INSC: variants seen among roughly 807,000 people sequenced by gnomAD.
The protein encoded by INSC is protein inscuteable homolog.
In INSC, 67 loss-of-function variants were observed where a neutral mutation model predicts 58.6. That is an observed-to-expected ratio of 1.14 (90% CI 0.94 to 1.40). The LOEUF (loss-of-function observed/expected upper bound fraction) is 1.40. Ranked by LOEUF, INSC falls within the 40% of genes most tolerant of loss-of-function variation. The pLI, the probability that INSC is intolerant of heterozygous loss-of-function variation, is 0.00. For missense variants in INSC, 714 were observed against 692.0 expected (o/e 1.03, Z -0.36); for synonymous variants, 262 against 276.1 (o/e 0.95, Z 0.51).
At chr11:15,255,730 GTGTGTA>G in the INSC span, among the ~76,000 whole-genome samples, 5 of 121,552 alleles carry the variant, frequency 4.1e-5, no homozygotes, top group African/African-American at 1.5e-4. Flanking sequence ...ATATGTAAGT[GTGTGTA>G]TGTGTGTGTG....
intron 5 of INSC, chr11:15,188,346 C>A: frequency 1.0e-6 from 1 of 985,400 alleles, no homozygotes; most frequent in Non-Finnish European, 1.2e-6. Flanking sequence ...TGAGGTCCTG[C>A]CTACATTAAA....
chr11:15,267,473 C>G, the INSC span, among the ~76,000 whole-genome samples: 1 of 151,740 alleles, frequency 6.6e-6, no homozygotes, highest in Non-Finnish European at 1.5e-5. Flanking sequence ...ATTTATATTG[C>G]TATGTCTTCA....
chr11:15,200,834 T>C lies in INSC; in HGVS notation c.704T>C (p.Val235Ala), dbSNP rs1589961436. The C allele has an allele frequency of 6.2e-7, 1 of 1,613,490 alleles. No homozygotes were observed. The highest frequency in any genetic ancestry group is 2.2e-5 in the East Asian group (1 of 44,804). Reference sequence around the variant, plus strand: ...TCTTTCTCTTGGCAGGAGGGTGGGGTCGTAGCACTCTTCAAGGTTTGCCGG... The same window carrying C: ...TCTTTCTCTTGGCAGGAGGGTGGGGCCGTAGCACTCTTCAAGGTTTGCCGG... ...LCRIIAKEGG[V>A]VALFKVCRQD... Residue 235 changes from valine (V) to alanine (A), a missense_variant, in exon 7 of 13, where the codon GTC becomes GCC. By Grantham distance (64) the Val-to-Ala change is moderately conservative. Transcript: ENST00000379556.
intron 1 of INSC, among the ~76,000 whole-genome samples, chr11:15,143,529 C>A (rs1429022499): frequency 6.6e-6 from 1 of 152,116 alleles, no homozygotes; most frequent in Non-Finnish European, 1.5e-5. Flanking sequence ...CCATGTGAGG[C>A]AAGTAGGCCA....
chr11:15,112,504 G>T, upstream of INSC: 2 of 1,612,768 alleles, frequency 1.2e-6, no homozygotes, highest in Middle Eastern at 1.7e-4. Flanking sequence ...GAGGCGGCCA[G>T]CGAAGGTCCA....
chr11:15,265,618 G>A, the INSC span, among the ~76,000 whole-genome samples: 1 of 151,220 alleles, frequency 6.6e-6, no homozygotes, highest in South Asian at 2.1e-4. Context: ...TCTGAATTAT[G>A]TACTATTACT....
intron 9 of INSC, among the ~76,000 whole-genome samples, chr11:15,228,450 C>G (rs77897842): frequency 3.9e-5 from 6 of 152,280 alleles, no homozygotes; most frequent in Non-Finnish European, 8.8e-5. Context: ...AGGCACGTCA[C>G]CCACTGTCCT....
At chr11:15,201,109 G>A (rs1850574204) in intron 7 of INSC, among the ~76,000 whole-genome samples, 160 bp downstream of exon 7, 2 of 152,150 alleles carry the variant, frequency 1.3e-5, no homozygotes, top group Non-Finnish European at 2.9e-5. Context: ...CTGGACTATG[G>A]GAGTCAGCAA....
the INSC span, among the ~76,000 whole-genome samples, chr11:15,260,869 G>T: frequency 2.6e-5 from 4 of 152,118 alleles, no homozygotes; most frequent in African/African-American, 9.7e-5. Context: ...CTATTAGTTA[G>T]CTTAAATATA....
At chr11:15,166,573 G>T (rs533450291) in intron 2 of INSC, among the ~76,000 whole-genome samples, 1 of 152,242 alleles carries the variant, frequency 6.6e-6, no homozygotes, top group African/African-American at 2.4e-5. Context: ...AGGTTCCTAT[G>T]TGCCAGTCCA....
chr11:15,201,755 G>T (rs1374637772), intron 7 of INSC, among the ~76,000 whole-genome samples: 1 of 152,162 alleles, frequency 6.6e-6, no homozygotes. Flanking sequence ...AAGTGGAAAG[G>T]CCTGGTACGT....
At chr11:15,128,722 G>A (rs1389304716) in intron 1 of INSC, among the ~76,000 whole-genome samples, 9 of 152,188 alleles carry the variant, frequency 5.9e-5, no homozygotes, top group Non-Finnish European at 1.5e-5. Flanking sequence ...AATGTTCTTA[G>A]TCTGGGGTAG....
intron 8 of INSC, 118 bp downstream of exon 8, chr11:15,221,766 TAGA>T: frequency 1.2e-6 from 1 of 864,584 alleles, no homozygotes; most frequent in Non-Finnish European, 1.7e-6. Context: ...ATCTCCTGCA[TAGA>T]TGATCATATT....
intron 1 of INSC, among the ~76,000 whole-genome samples, chr11:15,142,511 C>T (rs1848394812): frequency 6.6e-6 from 1 of 152,232 alleles, no homozygotes; most frequent in Non-Finnish European, 1.5e-5. Context: ...TTCCCATGAC[C>T]CCTTCTCACC....
intron 7 of INSC, among the ~76,000 whole-genome samples, chr11:15,202,590 C>G (rs1850636383): frequency 6.6e-6 from 1 of 152,194 alleles, no homozygotes; most frequent in African/African-American, 2.4e-5. Context: ...TCCTATAAAA[C>G]TTGTCCTTCC....
intron 2 of INSC, among the ~76,000 whole-genome samples, chr11:15,171,754 G>T (rs1849407084): frequency 6.6e-6 from 1 of 152,170 alleles, no homozygotes; most frequent in Non-Finnish European, 1.5e-5. Context: ...TCTTGGACTT[G>T]TCTCCCCACT....
At chr11:15,253,806 C>T in the INSC span, among the ~76,000 whole-genome samples, 2 of 152,114 alleles carry the variant, frequency 1.3e-5, no homozygotes, top group Non-Finnish European at 2.9e-5. Context: ...AGGCAGGAGA[C>T]ATGACTCAGT....
intron 11 of INSC, among the ~76,000 whole-genome samples, chr11:15,239,575 C>T (rs1297090856): frequency 6.6e-6 from 1 of 152,176 alleles, no homozygotes; most frequent in Non-Finnish European, 1.5e-5. Context: ...CCACCCTATG[C>T]TAAGCTCTGT....
At chr11:15,268,218 T>A in the INSC span, among the ~76,000 whole-genome samples, 2 of 152,080 alleles carry the variant, frequency 1.3e-5, no homozygotes, top group Non-Finnish European at 2.9e-5. Context: ...AGATTTCAAT[T>A]GCTTCAGGTG....
Sources: allele counts gnomAD v4.1 joint callset (sites outside exome capture counted in the v4.1 genomes callset), GRCh38; gene constraint gnomAD v4.1.1; transcripts MANE v1.5; gene names NCBI Gene and HGNC (gene_info 2026-07-23, HGNC 2026-07-21).